The following MAML3 variants were observed in gnomAD, a reference collection of about 807,000 sequenced individuals.
MAML3 encodes the protein mastermind like transcriptional coactivator 3.
A neutral mutation model predicts 101.9 loss-of-function variants in MAML3; 27 were observed. The observed-to-expected ratio is 0.27, with a 90% CI of 0.20 to 0.37. The LOEUF is 0.37. MAML3 is among the 10% of genes least tolerant of loss of function. The probability of loss-of-function intolerance (pLI) is 1.00; values close to 1 mark genes in which losing one functional copy is unlikely to be tolerated. For synonymous variants in MAML3, 501 were observed against 555.9 expected (o/e 0.90, Z 1.39); for missense variants, 1,316 against 1,444.9 (o/e 0.91, Z 1.45).
intron 2 of MAML3, among the ~76,000 whole-genome samples, chr4:139,818,081 G>A (rs1018893475): frequency 6.6e-6 from 1 of 152,194 alleles, no homozygotes. Context: ...GTAGGCCTGA[G>A]GTGGGACCTG....
At chr4:139,887,257 G>A (rs938313172) in intron 2 of MAML3, among the ~76,000 whole-genome samples, 14 of 152,206 alleles carry the variant, frequency 9.2e-5, no homozygotes, top group African/African-American at 3.4e-4. Flanking sequence ...GTATTTTGAA[G>A]CTCGTTTCAA....
intron 2 of MAML3, among the ~76,000 whole-genome samples, chr4:139,811,238 A>T (rs1255047037): frequency 6.6e-6 from 1 of 152,186 alleles, no homozygotes; most frequent in African/African-American, 2.4e-5. Context: ...ATACCCTATT[A>T]CAGGGCAGAG....
intron 1 of MAML3, among the ~76,000 whole-genome samples, chr4:139,930,347 A>G (rs754880134): frequency 7.2e-5 from 11 of 152,112 alleles, no homozygotes; most frequent in Non-Finnish European, 1.3e-4. Context: ...AGAGTTCACA[A>G]AGGTGCGGAT....
At chr4:139,776,283 A>G (rs1730095343) in intron 2 of MAML3, among the ~76,000 whole-genome samples, 1 of 152,188 alleles carries the variant, frequency 6.6e-6, no homozygotes. Flanking sequence ...GAGCCGTAAC[A>G]TGCTGATATG....
intron 2 of MAML3, among the ~76,000 whole-genome samples, chr4:139,843,364 GA>G (rs1731394997): frequency 6.6e-6 from 1 of 152,104 alleles, no homozygotes; most frequent in South Asian, 2.1e-4. Context: ...CTCAAATTTA[GA>G]AAACACACCA....
At chr4:139,907,392 C>T (rs866881516) in intron 1 of MAML3, among the ~76,000 whole-genome samples, 4 of 152,322 alleles carry the variant, frequency 2.6e-5, no homozygotes, top group South Asian at 4.1e-4. Context: ...CCCTGGAAGG[C>T]ACTCTTAACT....
Position 139,717,106 on chromosome 4 carries a change from C to CTT in MAML3, c.*2215_*2216dup, listed in dbSNP as rs1319702257. On this transcript the variant is annotated 3_prime_UTR_variant, in exon 5 of 5. Transcript: ENST00000509479. ...AGTGATATCTGCAGTATTGTAAAAA[C>CTT]TTATGTACAAATAACTTTTTTTAGA... 3 of 152,394 alleles carry CTT rather than the reference C, an allele frequency of 2.0e-5. No individual in the cohort carries two copies. Among genetic ancestry groups the CTT allele is most frequent in the East Asian group, 3.8e-4 (2 of 5,198 alleles). 9.4% of individuals were successfully genotyped at this position (152,394 alleles called of 1,614,324 possible).
intron 1 of MAML3, among the ~76,000 whole-genome samples, chr4:140,083,218 C>T (rs76462801): frequency 1.3e-3 from 193 of 152,322 alleles, no homozygotes; most frequent in African/African-American, 4.3e-3. Context: ...CATTACAGCT[C>T]ACCTTCTGAA....
chr4:139,941,530 TTG>T (rs1445413049), intron 1 of MAML3, among the ~76,000 whole-genome samples: 1 of 146,828 alleles, frequency 6.8e-6, no homozygotes, highest in Non-Finnish European at 1.5e-5. Context: ...TAATGTGTTG[TTG>T]TTGTTGTTGT....
chr4:140,076,999 C>T (rs1343849208), intron 1 of MAML3, among the ~76,000 whole-genome samples: 1 of 152,022 alleles, frequency 6.6e-6, no homozygotes, highest in African/African-American at 2.4e-5. Context: ...AAGCAATTCA[C>T]TCTGCCTCAG....
intron 1 of MAML3, among the ~76,000 whole-genome samples, chr4:139,922,443 ACGG>A (rs1369375201): frequency 7.6e-6 from 1 of 131,410 alleles, no homozygotes; most frequent in Admixed American, 9.0e-5. Flanking sequence ...TTCAGAGAGA[ACGG>A]TGGGTCCCTA....
chr4:140,138,614 G>A (rs529621078), intron 1 of MAML3, among the ~76,000 whole-genome samples: 2 of 151,942 alleles, frequency 1.3e-5, no homozygotes, highest in Non-Finnish European at 2.9e-5. Flanking sequence ...AAAGACAAAC[G>A]CCACCTGCAT....
chr4:140,029,168 A>C (rs889745358), intron 1 of MAML3, among the ~76,000 whole-genome samples: 3 of 152,206 alleles, frequency 2.0e-5, no homozygotes, highest in Non-Finnish European at 4.4e-5. Flanking sequence ...CAGTAAAACC[A>C]AACCCTGCTC....
chr4:140,134,169 T>C (rs1186742177), intron 1 of MAML3: 1 of 456,752 alleles, frequency 2.2e-6, no homozygotes, highest in Non-Finnish European at 4.4e-6. Flanking sequence ...CTTGCTTCCA[T>C]TTCTTAAAGG....
At chr4:139,963,696 G>A (rs6834132) in intron 1 of MAML3, among the ~76,000 whole-genome samples, 7,419 of 152,226 alleles carry the variant, frequency 0.049, 565 homozygotes, top group African/African-American at 0.16. Flanking sequence ...ATGATAGGGA[G>A]GCATCAGAGA....
At chr4:140,110,260 G>A (rs1235290650) in intron 1 of MAML3, among the ~76,000 whole-genome samples, 2 of 152,210 alleles carry the variant, frequency 1.3e-5, no homozygotes, top group Admixed American at 6.5e-5. Flanking sequence ...CAAAACGCTT[G>A]CACAGGGGCA....
At chr4:140,148,008 AACAGT>A (rs1729095181) in intron 1 of MAML3, among the ~76,000 whole-genome samples, 1 of 152,170 alleles carries the variant, frequency 6.6e-6, no homozygotes, top group Non-Finnish European at 1.5e-5. Flanking sequence ...CTTCTTTAAC[AACAGT>A]TGGCCATTAG....
intron 1 of MAML3, among the ~76,000 whole-genome samples, chr4:140,064,260 G>A (rs1727494752): frequency 6.6e-6 from 1 of 152,150 alleles, no homozygotes; most frequent in Non-Finnish European, 1.5e-5. Context: ...GAAAAAAAAT[G>A]TATTCTATAA....
At position 140,069,869 on chromosome 4, in the gene MAML3, G is replaced by A. The variant is rs1426042934; in HGVS notation, c.468+82991C>T. Among the ~76,000 whole-genome samples, 4 of 150,706 alleles carry A rather than the reference G, an allele frequency of 2.7e-5. No individual in the cohort carries two copies. In the South Asian group the frequency reaches 6.3e-4, roughly 24 times the overall value. On this transcript the variant is annotated intron_variant, in intron 1 of 4. Transcript: ENST00000509479. Reference sequence around the variant, plus strand: ...GGTGGCTCACGCCTGTAATCCCAGCGCTTTGGGAGGCCGAGGCTGGCGGAT... The same window carrying A: ...GGTGGCTCACGCCTGTAATCCCAGCACTTTGGGAGGCCGAGGCTGGCGGAT...
Sources: gnomAD v4.1 joint callset for allele counts (sites outside exome capture counted in the v4.1 genomes callset) on GRCh38, gnomAD v4.1.1 for gene constraint, MANE v1.5 for transcripts, NCBI Gene and HGNC (gene_info 2026-07-23, HGNC 2026-07-21) for gene names.